Variants in CACNA2D3 observed in about 807,000 individuals in gnomAD.
CACNA2D3 encodes calcium voltage-gated channel auxiliary subunit alpha2delta 3, also known as voltage-dependent calcium channel subunit alpha-2/delta-3.
CACNA2D3 carries 60 observed loss-of-function variants against 160.6 expected under a neutral mutation model. The ratio of observed to expected loss-of-function variants is 0.37; its 90% confidence interval spans 0.30 to 0.46. The LOEUF (loss-of-function observed/expected upper bound fraction) is 0.46. CACNA2D3 is among the 20% of genes least tolerant of loss of function. The probability of loss-of-function intolerance (pLI) is 1.00; values close to 1 mark genes in which losing one functional copy is unlikely to be tolerated. For synonymous variants in CACNA2D3, 558 were observed against 492.9 expected (o/e 1.13, Z -1.75); for missense variants, 1,205 against 1,365.0 (o/e 0.88, Z 1.85).
At chr3:54,762,205 T>C (rs1702092721) in intron 12 of CACNA2D3, among the ~76,000 whole-genome samples, 2 of 152,164 alleles carry the variant, frequency 1.3e-5, no homozygotes, top group Non-Finnish European at 2.9e-5. Flanking sequence ...ATTTCTGTCA[T>C]CTTATGTCAT....
chr3:54,357,494 C>G (rs1267397033), intron 3 of CACNA2D3, among the ~76,000 whole-genome samples: 1 of 152,154 alleles, frequency 6.6e-6, no homozygotes, highest in Non-Finnish European at 1.5e-5. Flanking sequence ...GTAACAGCCA[C>G]TTTGGAAGAT....
chr3:54,796,243 A>G (rs1383407331), intron 13 of CACNA2D3, among the ~76,000 whole-genome samples: 2 of 152,094 alleles, frequency 1.3e-5, no homozygotes, highest in Non-Finnish European at 2.9e-5. Flanking sequence ...ATCAGATCAA[A>G]AAACAGGCTT....
At chr3:54,871,915 A>G (rs1021923133) in intron 18 of CACNA2D3, among the ~76,000 whole-genome samples, 2 of 152,198 alleles carry the variant, frequency 1.3e-5, no homozygotes, top group South Asian at 2.1e-4. Context: ...CCTTCTTCCC[A>G]GTACAGTGGA....
chr3:54,177,184 C>T (rs947160477), intron 2 of CACNA2D3, among the ~76,000 whole-genome samples: 1 of 152,224 alleles, frequency 6.6e-6, no homozygotes, highest in African/African-American at 2.4e-5. Flanking sequence ...TTCCACTTCT[C>T]CCAGTTCCTT....
chr3:54,746,013 C>T (rs1383479858), intron 11 of CACNA2D3, among the ~76,000 whole-genome samples: 1 of 151,974 alleles, frequency 6.6e-6, no homozygotes, highest in East Asian at 1.9e-4. Context: ...GTAGCGTTAC[C>T]ATGGTTGCCT....
Position 54,144,419 on chromosome 3 carries a change from G to C in CACNA2D3, c.204+20825G>C, listed in dbSNP as rs187935549. 1.8e-3 allele frequency among the ~76,000 whole-genome samples: 270 copies of C among 152,338 alleles called. 1 individual carries two copies. Among genetic ancestry groups the C allele is most frequent in the African/African-American group, 6.1e-3 (255 of 41,588 alleles). On this transcript the variant is annotated intron_variant, in intron 2 of 37. Transcript: ENST00000474759. ...CTCATAAGGGGATTCACTGTGCCAA[G>C]GGTGTGAACTTCATCAGCGCTCTCC...
At chr3:54,559,334 G>T (rs1279672582) in intron 5 of CACNA2D3, among the ~76,000 whole-genome samples, 2 of 151,980 alleles carry the variant, frequency 1.3e-5, no homozygotes. Context: ...GGCTTGCTCT[G>T]TCACCCAGGC....
At chr3:54,349,177 T>C (rs1698508990) in intron 3 of CACNA2D3, among the ~76,000 whole-genome samples, 1 of 152,118 alleles carries the variant, frequency 6.6e-6, no homozygotes, top group African/African-American at 2.4e-5. Context: ...GAGCTGTTCT[T>C]GCAATTGCAG....
intron 2 of CACNA2D3, among the ~76,000 whole-genome samples, chr3:54,288,813 G>T (rs1216718963): frequency 6.6e-6 from 1 of 152,066 alleles, no homozygotes; most frequent in East Asian, 1.9e-4. Context: ...CAGAACCAAA[G>T]ACAAAAACCA....
chr3:54,950,150 G>A lies in CACNA2D3; in HGVS notation c.2450-18300G>A, dbSNP rs529993805. On this transcript the variant is annotated intron_variant, in intron 27 of 37. Transcript: ENST00000474759. ...ATGGGAGTCATAAGTGAAAAGTAGG[G>A]AACTGGGAGAACTATTTCCATACAG... Among the ~76,000 whole-genome samples, 40 of 152,340 alleles carry A rather than the reference G, an allele frequency of 2.6e-4. No homozygotes were observed. In the Middle Eastern group the frequency reaches 0.01, roughly 39 times the overall value.
At chr3:54,711,509 T>A (rs1700950893) in intron 11 of CACNA2D3, among the ~76,000 whole-genome samples, 1 of 152,176 alleles carries the variant, frequency 6.6e-6, no homozygotes, top group South Asian at 2.1e-4. Flanking sequence ...TTTTATCTTA[T>A]AAAAGAGGGA....
At chr3:54,933,215 A>G (rs572173645) in intron 27 of CACNA2D3, among the ~76,000 whole-genome samples, 1 of 152,320 alleles carries the variant, frequency 6.6e-6, no homozygotes, top group South Asian at 2.1e-4. Flanking sequence ...AATCCCATTA[A>G]TCATGTATTT....
At position 54,343,190 on chromosome 3, in the gene CACNA2D3, C is replaced by A. The variant is rs150773280; in HGVS notation, c.321+22632C>A. On this transcript the variant is annotated intron_variant, in intron 3 of 37. Coordinates refer to ENST00000474759, the MANE Select transcript of CACNA2D3 (RefSeq NM_018398.3). ...TCTAGGCCTTCAGTGTGTTTAAAGC[C>A]CCCCCCTCCCACGAGGAGATTGTTA... 1.8e-4 allele frequency among the ~76,000 whole-genome samples: 28 copies of A among 151,706 alleles called. 1 individual carries two copies. Among genetic ancestry groups the A allele is most frequent in the Admixed American group, 7.2e-4 (11 of 15,270 alleles).
chr3:54,225,783 T>C (rs1701659204), intron 2 of CACNA2D3, among the ~76,000 whole-genome samples: 1 of 152,150 alleles, frequency 6.6e-6, no homozygotes, highest in Non-Finnish European at 1.5e-5. Context: ...ACGCTTTTTT[T>C]TTTTCTCTTG....
intron 2 of CACNA2D3, among the ~76,000 whole-genome samples, chr3:54,287,170 A>G (rs1432546548): frequency 1.3e-5 from 2 of 152,186 alleles, no homozygotes; most frequent in South Asian, 2.1e-4. Context: ...AGTGTGCTGT[A>G]TTCAGGAAAC....
intron 2 of CACNA2D3, among the ~76,000 whole-genome samples, chr3:54,192,285 G>T (rs1700998594): frequency 6.6e-6 from 1 of 152,074 alleles, no homozygotes; most frequent in Admixed American, 6.5e-5. Flanking sequence ...TCACTGTGGA[G>T]AGTTTATGCT....
At chr3:54,752,765 ATAAT>A (rs1701885721) in intron 12 of CACNA2D3, 88 bp downstream of exon 12, 3 of 928,090 alleles carry the variant, frequency 3.2e-6, no homozygotes, top group Non-Finnish European at 5.2e-6. Flanking sequence ...GAGAGTTCTA[ATAAT>A]TCTAAGATAA....
chr3:54,800,370 C>T (rs112542307), intron 13 of CACNA2D3, among the ~76,000 whole-genome samples: 1,727 of 152,286 alleles, frequency 0.011, 33 homozygotes, highest in African/African-American at 0.039. Flanking sequence ...TCTGCATTCT[C>T]ACAGAGAACT....
intron 13 of CACNA2D3, among the ~76,000 whole-genome samples, chr3:54,786,853 G>A (rs1205301865): frequency 6.6e-6 from 1 of 152,168 alleles, no homozygotes; most frequent in Non-Finnish European, 1.5e-5. Flanking sequence ...ATCTTTGCAT[G>A]TGGCTCACAT....
Sources: allele counts gnomAD v4.1 joint callset (sites outside exome capture counted in the v4.1 genomes callset), GRCh38; gene constraint gnomAD v4.1.1; transcripts MANE v1.5; gene names NCBI Gene and HGNC (gene_info 2026-07-23, HGNC 2026-07-21).